PRKAG2: variants seen among roughly 807,000 people sequenced by gnomAD.
The protein encoded by PRKAG2 is 5'-AMP-activated protein kinase subunit gamma-2.
Under a neutral mutation model 69.6 loss-of-function variants are expected in PRKAG2, and 26 were observed. The observed-to-expected ratio is 0.37, with a 90% CI of 0.27 to 0.52. PRKAG2 has a LOEUF of 0.52. Ranked by LOEUF, PRKAG2 falls within the 20% of genes least tolerant of loss-of-function variation. The pLI, the probability that PRKAG2 is intolerant of heterozygous loss-of-function variation, is 0.90. For missense variants in PRKAG2, 557 were observed against 740.0 expected (o/e 0.75, Z 2.87); for synonymous variants, 293 against 285.0 (o/e 1.03, Z -0.28).
intron 5 of PRKAG2, among the ~76,000 whole-genome samples, chr7:151,625,344 G>C (rs956512582): frequency 6.6e-6 from 1 of 152,156 alleles, no homozygotes; most frequent in Non-Finnish European, 1.5e-5. Flanking sequence ...TGAGGAAGCT[G>C]ATGAAGGCCA....
At chr7:151,783,329 T>C (rs2076827123) in intron 2 of PRKAG2, among the ~76,000 whole-genome samples, 1 of 152,096 alleles carries the variant, frequency 6.6e-6, no homozygotes, top group African/African-American at 2.4e-5. Flanking sequence ...GAGTTTTTCT[T>C]TTTTTGTGTA....
intron 1 of PRKAG2, among the ~76,000 whole-genome samples, chr7:151,798,056 A>G (rs1362660843): frequency 6.6e-6 from 1 of 152,166 alleles, no homozygotes; most frequent in African/African-American, 2.4e-5. Context: ...CCAGGCTGGA[A>G]TGCAATGGCA....
intron 3 of PRKAG2, among the ~76,000 whole-genome samples, chr7:151,765,967 C>T (rs1364191138): frequency 1.3e-5 from 2 of 152,190 alleles, no homozygotes; most frequent in African/African-American, 4.8e-5. Flanking sequence ...ACCTTCCTAA[C>T]GTTGACAGGT....
At position 151,671,171 on chromosome 7, in the gene PRKAG2, C is replaced by CAA. The variant is rs11296795; in HGVS notation, c.684+4247_684+4248dup. Among the ~76,000 whole-genome samples, 164 of 55,418 alleles carry CAA rather than the reference C, an allele frequency of 3.0e-3. 12 individuals carry two copies. The highest frequency in any genetic ancestry group is 9.2e-3 in the African/African-American group (124 of 13,484). The allele number at this position is 55,418 out of a possible 152,430, so 36.4% of individuals were successfully genotyped here. On this transcript the variant is annotated intron_variant, in intron 4 of 15. Coordinates refer to ENST00000287878, the MANE Select transcript of PRKAG2 (RefSeq NM_016203.4). ...CCTGGGTGACAGAGCTAGACTGTCT[C>CAA]AAAAAAAAAAAAAAAAAAAAAAAAA...
At chr7:151,671,802 G>A (rs1832082916) in intron 4 of PRKAG2, among the ~76,000 whole-genome samples, 1 of 152,244 alleles carries the variant, frequency 6.6e-6, no homozygotes, top group Non-Finnish European at 1.5e-5. Flanking sequence ...CCTGAGGGCT[G>A]AAACTTACAA....
At chr7:151,609,201 A>C (rs1281842938) in intron 5 of PRKAG2, among the ~76,000 whole-genome samples, 1 of 152,216 alleles carries the variant, frequency 6.6e-6, no homozygotes, top group Non-Finnish European at 1.5e-5. Context: ...AACACCTGCA[A>C]ATACAGCAAA....
chr7:151,749,300 C>T (rs2074508147), intron 3 of PRKAG2, among the ~76,000 whole-genome samples: 1 of 152,102 alleles, frequency 6.6e-6, no homozygotes, highest in Non-Finnish European at 1.5e-5. Context: ...TGAGACAGTC[C>T]CCCGTCCATC....
intron 1 of PRKAG2, among the ~76,000 whole-genome samples, chr7:151,858,153 C>T (rs2079831910): frequency 6.6e-6 from 1 of 152,204 alleles, no homozygotes. Context: ...CCTGCTGCTA[C>T]CCAGCAAGGC....
At chr7:151,858,868 G>A (rs2079848888) in intron 1 of PRKAG2, among the ~76,000 whole-genome samples, 1 of 152,156 alleles carries the variant, frequency 6.6e-6, no homozygotes, top group Non-Finnish European at 1.5e-5. Context: ...AACGGAACAC[G>A]AATTCTGCCC....
rs182965109 is a variant in PRKAG2, at chr7:151,768,790, G to C, written c.466+12362C>G. Among the ~76,000 whole-genome samples, 26 of 152,062 alleles carry C rather than the reference G, an allele frequency of 1.7e-4. No individual in the cohort carries two copies. The East Asian group carries it at 4.7e-3, about 27-fold the overall frequency. ...CCAGTCTTCAAGATTTTTCCAAACA[G>C]ACCAAGAAGGCTGCAGTTGGTGCCA... is the stretch of plus-strand genomic sequence containing the variant. On this transcript the variant is annotated intron_variant, in intron 3 of 15. Transcript: ENST00000287878.
At chr7:151,854,656 G>T (rs1195836987) in intron 1 of PRKAG2, among the ~76,000 whole-genome samples, 1 of 152,202 alleles carries the variant, frequency 6.6e-6, no homozygotes, top group African/African-American at 2.4e-5. Context: ...TGCACAATTG[G>T]GCTGAGACTG....
At chr7:151,782,951 C>T (rs769432272) in intron 2 of PRKAG2, among the ~76,000 whole-genome samples, 2 of 152,246 alleles carry the variant, frequency 1.3e-5, no homozygotes, top group African/African-American at 2.4e-5. Flanking sequence ...CCAGGGCAGA[C>T]GCGGGAAATA....
intron 5 of PRKAG2, among the ~76,000 whole-genome samples, chr7:151,597,652 T>C (rs1412225015): frequency 1.3e-5 from 2 of 152,044 alleles, no homozygotes; most frequent in Non-Finnish European, 2.9e-5. Flanking sequence ...AAAGAAGACA[T>C]ACAAATGGCC....
chr7:151,632,176 G>C lies in PRKAG2; in HGVS notation c.685-38C>G. On this transcript the variant is annotated intron_variant, in intron 4 of 15. Coordinates refer to ENST00000287878, the MANE Select transcript of PRKAG2 (RefSeq NM_016203.4). This position sits in a 1 kb window ranked among gnomAD's most constrained non-coding sequence, Gnocchi z 4.2. Reference sequence around the variant, plus strand: ...AGGAGGACAGCGATCAGCATGAGCTGCGACGCTCGTCCCCGGCCGGCGGGC... The same window carrying C: ...AGGAGGACAGCGATCAGCATGAGCTCCGACGCTCGTCCCCGGCCGGCGGGC... 1 of 1,278,490 alleles carries C rather than the reference G, an allele frequency of 7.8e-7. No homozygotes were observed. Among genetic ancestry groups the C allele is most frequent in the Non-Finnish European group, 1.0e-6 (1 of 1,002,338 alleles). The allele number at this position is 1,278,490 out of a possible 1,614,324, so 79.2% of individuals were successfully genotyped here. A position where few individuals can be genotyped will look rare whatever the true frequency, so the allele number is the denominator to read the frequency against.
In PRKAG2 at chr7:151,557,239, G is replaced by A. The variant is rs554184398; in HGVS notation, c.1679-7C>T. ...GTCTCCTTTTGTTTGGCACCTGTCA[G>A]TGGATGGAAGATGAAAGTTTCAAAG... On this transcript the variant is annotated splice_region_variant and splice_polypyrimidine_tract_variant and intron_variant, in intron 15 of 15. Coordinates refer to ENST00000287878, the MANE Select transcript of PRKAG2 (RefSeq NM_016203.4). The A allele has an allele frequency of 6.2e-7, 1 of 1,614,108 alleles. No individual in the cohort carries two copies. The highest frequency in any genetic ancestry group is 2.2e-5 in the East Asian group (1 of 44,876).
At chr7:151,680,361 A>G (rs7805002) in intron 3 of PRKAG2, among the ~76,000 whole-genome samples, 55,032 of 152,090 alleles carry the variant, frequency 0.36, 10,104 homozygotes, top group Middle Eastern at 0.39. Flanking sequence ...ACAGGCAGCC[A>G]CCATTCCTGT....
At chr7:151,575,016 G>C in intron 7 of PRKAG2, 67 bp from the exon 8 acceptor site, 2 of 1,594,096 alleles carry the variant, frequency 1.3e-6, no homozygotes, top group Non-Finnish European at 1.7e-6. Flanking sequence ...CAAATGACAA[G>C]TGAGCCTAGA....
intron 1 of PRKAG2, among the ~76,000 whole-genome samples, chr7:151,794,951 G>A (rs2077425561): frequency 6.6e-6 from 1 of 152,158 alleles, no homozygotes; most frequent in Admixed American, 6.5e-5. Context: ...GCTCTGCAGG[G>A]GCCAACAGTG....
At position 151,583,501 on chromosome 7, in the gene PRKAG2, G is replaced by A. The variant is rs542844350; in HGVS notation, c.865-7049C>T. ...TTTTGCCGACCTTCTTTGCAATAAC[G>A]AGGCCTTCTAAAACTTGGCTTTCTT... is the stretch of plus-strand genomic sequence containing the variant. On this transcript the variant is annotated intron_variant, in intron 6 of 15. Transcript: ENST00000287878. This position sits in a 1 kb window ranked among gnomAD's most constrained non-coding sequence, Gnocchi z 4.1. Among the ~76,000 whole-genome samples, 14 of 152,254 alleles carry A rather than the reference G, an allele frequency of 9.2e-5. No individual in the cohort carries two copies. In the South Asian group the frequency reaches 2.5e-3, roughly 27 times the overall value.
Sources: gnomAD v4.1 joint callset for allele counts (sites outside exome capture counted in the v4.1 genomes callset) on GRCh38, gnomAD v4.1.1 for gene constraint, Gnocchi (gnomAD v3.1) non-coding constraint, MANE v1.5 for transcripts, NCBI Gene and HGNC (gene_info 2026-07-23, HGNC 2026-07-21) for gene names.